The following GRID2 variants were observed in gnomAD, a reference collection of about 807,000 sequenced individuals.
The protein encoded by GRID2 is glutamate receptor ionotropic, delta-2.
Under a neutral mutation model 114.8 loss-of-function variants are expected in GRID2, and 33 were observed. The ratio of observed to expected loss-of-function variants is 0.29; its 90% CI spans 0.22 to 0.38. The LOEUF is 0.38. GRID2 is among the 10% of genes least tolerant of loss of function. The pLI is 1.00. For synonymous variants in GRID2, 505 were observed against 449.9 expected, an observed-to-expected ratio of 1.12 and a Z score of -1.55; for missense variants, 1,184 against 1,257.7, an observed-to-expected ratio of 0.94 and a Z score of 0.89.
At chr4:92,434,944 A>G (rs541158869) in intron 1 of GRID2, among the ~76,000 whole-genome samples, 2 of 152,294 alleles carry the variant, frequency 1.3e-5, no homozygotes, top group East Asian at 3.9e-4. Flanking sequence ...ATCACATGGG[A>G]ATGGAATTCA....
rs761955181 is a variant in GRID2 at position 92,569,793 on chromosome 4, AT to A, written c.89-20337del. On this transcript the variant is annotated intron_variant, in intron 1 of 15. Coordinates refer to ENST00000282020, the MANE Select transcript of GRID2 (RefSeq NM_001510.4). ...TTTGAGAAGTGTCTGTTCATGTCCA[AT>A]GCCCACTTTTTAATGTTTTTTTTCC... Among the ~76,000 whole-genome samples the A allele has an allele frequency of 4.6e-5, 7 of 151,872 alleles. No individual in the cohort carries two copies. In the East Asian group the frequency reaches 1.4e-3, roughly 29 times the overall value.
chr4:93,215,164 G>T (rs750787818), intron 5 of GRID2, among the ~76,000 whole-genome samples: 1 of 151,838 alleles, frequency 6.6e-6, no homozygotes, highest in Non-Finnish European at 1.5e-5. Flanking sequence ...TTCATTATGA[G>T]TGGTGTAGAT....
At chr4:93,780,755 C>T (rs941771135) in intron 1 of GRID2, among the ~76,000 whole-genome samples, 3 of 152,146 alleles carry the variant, frequency 2.0e-5, no homozygotes, top group Non-Finnish European at 2.9e-5. Flanking sequence ...AGTGTGAAAA[C>T]CTCCGTCAGT....
intron 1 of GRID2, among the ~76,000 whole-genome samples, chr4:92,466,366 T>G (rs1721752337): frequency 6.6e-6 from 1 of 151,864 alleles, no homozygotes; most frequent in South Asian, 2.1e-4. Flanking sequence ...TTTTCTATAT[T>G]TAGTCTGTAC....
intron 1 of GRID2, among the ~76,000 whole-genome samples, chr4:92,458,414 G>A (rs1721321481): frequency 1.3e-5 from 2 of 152,108 alleles, no homozygotes; most frequent in Non-Finnish European, 2.9e-5. Flanking sequence ...ACAATTTAGG[G>A]ATTAGTCTTT....
chr4:93,050,406 A>T (rs964103891), intron 2 of GRID2, among the ~76,000 whole-genome samples: 1 of 151,968 alleles, frequency 6.6e-6, no homozygotes, highest in Non-Finnish European at 1.5e-5. Context: ...AATGCAAATA[A>T]AATTCAAAGT....
intron 1 of GRID2, among the ~76,000 whole-genome samples, chr4:92,342,223 A>C (rs1429744321): frequency 6.6e-6 from 1 of 152,168 alleles, no homozygotes; most frequent in Non-Finnish European, 1.5e-5. Flanking sequence ...ATGTATGTAT[A>C]TGTCAATATC....
At chr4:92,943,186 C>T (rs1293333324) in intron 2 of GRID2, among the ~76,000 whole-genome samples, 1 of 152,210 alleles carries the variant, frequency 6.6e-6, no homozygotes, top group Non-Finnish European at 1.5e-5. Context: ...GTTCCATTCT[C>T]CCTGTCACTT....
chr4:92,480,268 T>C (rs1056256434), intron 1 of GRID2, among the ~76,000 whole-genome samples: 43 of 152,190 alleles, frequency 2.8e-4, no homozygotes, highest in African/African-American at 1.0e-3. Flanking sequence ...TAAGTGAATG[T>C]CATTTCTTAT....
intron 2 of GRID2, among the ~76,000 whole-genome samples, chr4:92,932,636 A>G (rs561676651): frequency 6.6e-6 from 1 of 151,462 alleles, no homozygotes; most frequent in African/African-American, 2.4e-5. Context: ...CATTTAATTC[A>G]TATTAGCCAG....
intron 13 of GRID2, among the ~76,000 whole-genome samples, chr4:93,608,505 C>A (rs1261511060): frequency 3.4e-5 from 5 of 145,792 alleles, no homozygotes; most frequent in Admixed American, 2.0e-4. Flanking sequence ...TATTCCCCTT[C>A]CTGTGTCCAT....
intron 2 of GRID2, among the ~76,000 whole-genome samples, chr4:92,793,861 G>C (rs1739715226): frequency 6.6e-6 from 1 of 151,844 alleles, no homozygotes; most frequent in Admixed American, 6.6e-5. Context: ...GACAAGGTAA[G>C]AACAGCTTTA....
chr4:92,799,172 G>A (rs1740033179), intron 2 of GRID2, among the ~76,000 whole-genome samples: 1 of 151,998 alleles, frequency 6.6e-6, no homozygotes, highest in Admixed American at 6.6e-5. Context: ...TCCCAGATGG[G>A]CTGTGATGGG....
intron 8 of GRID2, among the ~76,000 whole-genome samples, chr4:93,264,757 GATAT>G (rs10567648): frequency 0.69 from 94,201 of 136,354 alleles, 33,106 homozygotes; most frequent in Middle Eastern, 0.84. Context: ...TCATTTGAAT[GATAT>G]ATATATATAT....
chr4:92,539,323 C>G (rs1373510957), intron 1 of GRID2, among the ~76,000 whole-genome samples: 19 of 152,116 alleles, frequency 1.2e-4, no homozygotes, highest in South Asian at 2.1e-4. Flanking sequence ...AAATTTATTA[C>G]TATAAAATGG....
At chr4:92,895,910 T>C (rs1292162066) in intron 2 of GRID2, among the ~76,000 whole-genome samples, 1 of 152,156 alleles carries the variant, frequency 6.6e-6, no homozygotes, top group East Asian at 1.9e-4. Context: ...ACCTGGATTT[T>C]TTATGAATTC....
intron 13 of GRID2, among the ~76,000 whole-genome samples, chr4:93,597,918 C>T (rs771371974): frequency 2.0e-5 from 3 of 152,148 alleles, no homozygotes; most frequent in Non-Finnish European, 4.4e-5. Context: ...ATATTTGATA[C>T]CTCTGGATCA....
chr4:92,381,456 G>A (rs1729614092), intron 1 of GRID2, among the ~76,000 whole-genome samples: 1 of 151,884 alleles, frequency 6.6e-6, no homozygotes, highest in South Asian at 2.1e-4. Flanking sequence ...AGAGAGACTA[G>A]CAACTGAGTG....
At chr4:92,726,547 G>A (rs1389573003) in intron 2 of GRID2, among the ~76,000 whole-genome samples, 2 of 152,036 alleles carry the variant, frequency 1.3e-5, no homozygotes, top group African/African-American at 2.4e-5. Flanking sequence ...TATACAGAAA[G>A]TAGTGATGAA....
Sources: allele counts gnomAD v4.1 joint callset (sites outside exome capture counted in the v4.1 genomes callset), GRCh38; gene constraint gnomAD v4.1.1; transcripts MANE v1.5; gene names NCBI Gene and HGNC (gene_info 2026-07-23, HGNC 2026-07-21).